RAPH1: variants seen among roughly 807,000 people sequenced by gnomAD.
RAPH1 encodes the protein ras-associated and pleckstrin homology domains-containing protein 1.
A neutral mutation model predicts 88.1 loss-of-function variants in RAPH1; 18 were observed. The ratio of observed to expected loss-of-function variants is 0.20; its 90% CI spans 0.14 to 0.30. The LOEUF (loss-of-function observed/expected upper bound fraction) is 0.30. Ranked by LOEUF, RAPH1 falls within the 10% of genes least tolerant of loss-of-function variation. RAPH1 has a pLI of 1.00. For synonymous variants in RAPH1, 587 were observed against 559.0 expected (o/e 1.05, Z -0.71); for missense variants, 1,448 against 1,543.2 (o/e 0.94, Z 1.03).
rs1296601378 is a variant in RAPH1, at chr2:203,508,242, A to G, written c.1-12889T>C. ...GTCTCAAAAAAAAAAAAAAAAAAAA[A>G]GGAAGAAAGAAAGAAATATACACTG... On this transcript the variant is annotated intron_variant, in intron 1 of 13. Transcript: ENST00000319170. 1.5e-4 allele frequency among the ~76,000 whole-genome samples: 22 copies of G among 147,080 alleles called. No individual in the cohort carries two copies. In the South Asian group the frequency reaches 4.1e-3, roughly 27 times the overall value.
intron 1 of RAPH1, among the ~76,000 whole-genome samples, chr2:203,506,892 ATATATATT>A (rs1689108452): frequency 9.7e-6 from 1 of 102,840 alleles, no homozygotes; most frequent in Non-Finnish European, 1.8e-5. Context: ...ATATATATAT[ATATATATT>A]TTTTTTTTTT....
At chr2:203,493,990 A>AAAAAAG (rs1688392953) in intron 2 of RAPH1, among the ~76,000 whole-genome samples, 1 of 150,372 alleles carries the variant, frequency 6.7e-6, no homozygotes, top group Non-Finnish European at 1.5e-5. Context: ...AAAAAAAAAA[A>AAAAAAG]AAAAAAAAGA....
At chr2:203,521,140 G>A (rs925210416) in intron 1 of RAPH1, among the ~76,000 whole-genome samples, 2 of 152,094 alleles carry the variant, frequency 1.3e-5, no homozygotes, top group Non-Finnish European at 2.9e-5. Flanking sequence ...TGTAACCTCT[G>A]CCTCCTAGGT....
chr2:203,474,966 C>T (rs2098536090), intron 4 of RAPH1, among the ~76,000 whole-genome samples: 1 of 152,066 alleles, frequency 6.6e-6, no homozygotes, highest in Non-Finnish European at 1.5e-5. Flanking sequence ...CAAAAATTAG[C>T]CAGGTGTGGT....
intron 1 of RAPH1, among the ~76,000 whole-genome samples, chr2:203,502,802 A>G (rs978457739): frequency 4.6e-5 from 7 of 150,906 alleles, no homozygotes; most frequent in Non-Finnish European, 5.9e-5. Flanking sequence ...CCTAGGCAAC[A>G]GAGTGAGACT....
At chr2:203,491,633 G>A (rs766543726) in intron 2 of RAPH1, among the ~76,000 whole-genome samples, 2 of 152,010 alleles carry the variant, frequency 1.3e-5, no homozygotes, top group African/African-American at 4.8e-5. Context: ...GGATCCTCCC[G>A]AGTAGTTGGG....
intron 4 of RAPH1, among the ~76,000 whole-genome samples, chr2:203,471,361 T>A (rs2098532930): frequency 6.6e-6 from 1 of 152,034 alleles, no homozygotes; most frequent in African/African-American, 2.4e-5. Context: ...ACATGGCCCC[T>A]AGCACTTTGG....
At chr2:203,466,065 CTT>C (rs2098528188) in intron 4 of RAPH1, among the ~76,000 whole-genome samples, 1 of 152,170 alleles carries the variant, frequency 6.6e-6, no homozygotes, top group Non-Finnish European at 1.5e-5. Context: ...AAATGCTACT[CTT>C]TATGCTTACA....
chr2:203,458,564 C>G (rs2098521707), intron 7 of RAPH1, among the ~76,000 whole-genome samples: 1 of 152,118 alleles, frequency 6.6e-6, no homozygotes, highest in African/African-American at 2.4e-5. Flanking sequence ...TAAATAATCT[C>G]TAGATTACTT....
At chr2:203,517,132 T>C (rs1461281514) in intron 1 of RAPH1, among the ~76,000 whole-genome samples, 1 of 151,440 alleles carries the variant, frequency 6.6e-6, no homozygotes, top group Non-Finnish European at 1.5e-5. Context: ...CACTTTAATA[T>C]AGACACAAAT....
intron 1 of RAPH1, among the ~76,000 whole-genome samples, chr2:203,502,558 G>A (rs1472809022): frequency 6.6e-6 from 1 of 152,154 alleles, no homozygotes; most frequent in Non-Finnish European, 1.5e-5. Flanking sequence ...GCACTTAAAT[G>A]AACCCCTTAG....
chr2:203,473,761 C>T (rs744421), intron 4 of RAPH1, among the ~76,000 whole-genome samples: 15,729 of 152,178 alleles, frequency 0.1, 1,649 homozygotes, highest in African/African-American at 0.27. Context: ...CATACAGCTT[C>T]ATATAAACAG....
chr2:203,477,265 A>G (rs1687503007), intron 4 of RAPH1: 3 of 782,264 alleles, frequency 3.8e-6, no homozygotes, highest in South Asian at 1.6e-5. Flanking sequence ...CAAAACAGTA[A>G]TGAAACAAAA....
chr2:203,449,429 CAT>C, intron 10 of RAPH1, among the ~76,000 whole-genome samples: 1 of 152,336 alleles, frequency 6.6e-6, no homozygotes, highest in South Asian at 2.1e-4. Context: ...CCAGGGGACA[CAT>C]AGATGTCAAC....
rs1553630388 is a variant in RAPH1, at chr2:203,506,759, T to TAG, written c.1-11407_1-11406insCT. 2.8e-4 allele frequency among the ~76,000 whole-genome samples: 35 copies of TAG among 124,580 alleles called. 2 individuals are homozygous for TAG. The highest frequency in any genetic ancestry group is 8.1e-4 in the African/African-American group (22 of 27,268). 81.7% of individuals were successfully genotyped at this position (124,580 alleles called of 152,430 possible). ...ATATATATCTATATATATATATATC[T>TAG]ATATATATATCTATATATATCTAGA... is the stretch of plus-strand genomic sequence containing the variant. On this transcript the variant is annotated intron_variant, in intron 1 of 13. Transcript: ENST00000319170.
chr2:203,477,112 A>G, intron 4 of RAPH1: 8 of 1,614,030 alleles, frequency 5.0e-6, no homozygotes, highest in Non-Finnish European at 6.8e-6. Flanking sequence ...TGAAGTCAAT[A>G]TGACGCTTGG....
intron 1 of RAPH1, among the ~76,000 whole-genome samples, chr2:203,506,897 T>G (rs1395266297): frequency 9.2e-6 from 1 of 108,394 alleles, no homozygotes. Flanking sequence ...TATATATATA[T>G]ATTTTTTTTT....
intron 1 of RAPH1, among the ~76,000 whole-genome samples, chr2:203,513,813 A>G (rs913325679): frequency 6.7e-6 from 1 of 148,180 alleles, no homozygotes; most frequent in Non-Finnish European, 1.5e-5. Context: ...ACAGCCCAGG[A>G]GACAGAGCAA....
At chr2:203,504,532 G>A (rs964607824) in intron 1 of RAPH1, among the ~76,000 whole-genome samples, 1 of 152,114 alleles carries the variant, frequency 6.6e-6, no homozygotes, top group Non-Finnish European at 1.5e-5. Context: ...TTTCCTCCTG[G>A]GCCTCTGGGC....
Sources: gnomAD v4.1 joint callset for allele counts (sites outside exome capture counted in the v4.1 genomes callset) on GRCh38, gnomAD v4.1.1 for gene constraint, MANE v1.5 for transcripts, NCBI Gene and HGNC (gene_info 2026-07-23, HGNC 2026-07-21) for gene names.